Variants in ABCB7 observed in about 807,000 individuals in gnomAD.
ABCB7 encodes ATP binding cassette subfamily B member 7.
A neutral mutation model predicts 54.4 loss-of-function variants in ABCB7; 7 were observed. The ratio of observed to expected loss-of-function variants is 0.13; its 90% CI spans 0.07 to 0.24. ABCB7 has a LOEUF of 0.24. Among genes scored for constraint, ABCB7 ranks in the 10% least tolerant of loss-of-function variants. The pLI is 1.00. For missense variants in ABCB7, 356 were observed against 570.4 expected (o/e 0.62, Z 3.83); for synonymous variants, 218 against 207.1 (o/e 1.05, Z -0.45).
intron 3 of ABCB7, among the ~76,000 whole-genome samples, chrX:75,099,567 A>G (rs1210358943): frequency 9.0e-6 from 1 of 111,465 alleles, no homozygotes; most frequent in Non-Finnish European, 1.9e-5. Flanking sequence ...AACAAAGTTG[A>G]GTTACTGAAA....
chrX:75,156,283 G>T lies in ABCB7; in HGVS notation c.-11C>A. 1 of 1,200,124 alleles carries T rather than the reference G, an allele frequency of 8.3e-7. No individual in the cohort carries two copies. On this transcript the variant is annotated 5_prime_UTR_variant, in exon 1 of 16. Transcript: ENST00000373394. Reference sequence around the variant, plus strand: ...CGCGAGCAGCGCCATCTTGAGCGAGGAAAGAGGAACCGAGAGAAGAGGATT... The same window carrying T: ...CGCGAGCAGCGCCATCTTGAGCGAGTAAAGAGGAACCGAGAGAAGAGGATT...
At chrX:75,120,603 A>AAAAT (rs569345456) in intron 1 of ABCB7, among the ~76,000 whole-genome samples, 14,372 of 108,827 alleles carry the variant, frequency 0.13, 1,745 homozygotes, top group East Asian at 0.9. Flanking sequence ...CTTCATCTCA[A>AAAAT]AAATAAATAA....
intron 1 of ABCB7, among the ~76,000 whole-genome samples, chrX:75,131,630 T>G (rs1008856406): frequency 9.0e-6 from 1 of 111,702 alleles, no homozygotes; most frequent in African/African-American, 3.3e-5. Flanking sequence ...TTTTTGCTGC[T>G]GCTACAGCTC....
At chrX:75,109,006 G>T (rs758431916) in intron 3 of ABCB7, among the ~76,000 whole-genome samples, 1 of 111,748 alleles carries the variant, frequency 8.9e-6, no homozygotes, top group African/African-American at 3.2e-5. Context: ...ATAATGAAAA[G>T]AACATCTATA....
At chrX:75,065,894 T>A (rs2081314188) in intron 12 of ABCB7, among the ~76,000 whole-genome samples, 1 of 111,395 alleles carries the variant, frequency 9.0e-6, no homozygotes, top group Non-Finnish European at 1.9e-5. Context: ...AGGGTGCCAG[T>A]TCCTCATATA....
At chrX:75,059,228 C>G (rs1222614711) in intron 15 of ABCB7, among the ~76,000 whole-genome samples, 1 of 110,630 alleles carries the variant, frequency 9.0e-6, no homozygotes, top group Non-Finnish European at 1.9e-5. Flanking sequence ...GTAATCCCAG[C>G]GCACTTTGGG....
chrX:75,123,934 C>T (rs1041115289), intron 1 of ABCB7, among the ~76,000 whole-genome samples: 20 of 112,148 alleles, frequency 1.8e-4, no homozygotes, highest in Non-Finnish European at 3.0e-4. Flanking sequence ...TCCAATAAAA[C>T]TTTATGTATG....
chrX:75,147,564 C>T (rs1018300969), intron 1 of ABCB7, among the ~76,000 whole-genome samples: 4 of 111,519 alleles, frequency 3.6e-5, no homozygotes, highest in Non-Finnish European at 7.5e-5. Flanking sequence ...CAAATTAACA[C>T]AGGAACAGAA....
At chrX:75,107,603 A>T (rs1035186542) in intron 3 of ABCB7, among the ~76,000 whole-genome samples, 2 of 111,381 alleles carry the variant, frequency 1.8e-5, no homozygotes, top group African/African-American at 6.5e-5. Flanking sequence ...GCCCTAGGCC[A>T]CAAGGGAATC....
chrX:75,087,017 G>A (rs1475263097), intron 4 of ABCB7, among the ~76,000 whole-genome samples: 1 of 111,777 alleles, frequency 8.9e-6, no homozygotes, highest in African/African-American at 3.3e-5. Context: ...CTTAGTTCCA[G>A]GAACTCCTCA....
intron 1 of ABCB7, among the ~76,000 whole-genome samples, chrX:75,136,543 A>C (rs2082010884): frequency 8.9e-6 from 1 of 111,970 alleles, no homozygotes; most frequent in Admixed American, 9.5e-5. Context: ...AACAATCCTA[A>C]GCAAAAGCAA....
chrX:75,063,418 C>T lies in ABCB7; in HGVS notation c.1832-987G>A, dbSNP rs188596197. Among the ~76,000 whole-genome samples, 4 of 111,055 alleles carry T rather than the reference C, an allele frequency of 3.6e-5. No homozygotes were observed. In the East Asian group the frequency reaches 1.1e-3, roughly 31 times the overall value. On this transcript the variant is annotated intron_variant, in intron 13 of 15. Coordinates refer to ENST00000373394, the MANE Select transcript of ABCB7 (RefSeq NM_001271696.3). Reference sequence around the variant, plus strand: ...TTAGGAAATAAGCTCTATCCATTACCTGGTACATTAAATATTTTTATTTTT... The same window carrying T: ...TTAGGAAATAAGCTCTATCCATTACTTGGTACATTAAATATTTTTATTTTT...
chrX:75,064,819 C>T (rs2081305490), intron 13 of ABCB7, among the ~76,000 whole-genome samples: 2 of 108,124 alleles, frequency 1.8e-5, no homozygotes, highest in South Asian at 8.3e-4. Context: ...ATTTTGATAA[C>T]TTACTTAATA....
intron 15 of ABCB7, 113 bp downstream of exon 15, chrX:75,060,110 G>T: frequency 1.6e-6 from 1 of 612,171 alleles, no homozygotes. Context: ...AAACAGAATC[G>T]TAACAGGATT....
In ABCB7 at chrX:75,053,353, A is replaced by G. The variant is rs751986553; in HGVS notation, c.*17T>C. 1 of 1,210,748 alleles carries G rather than the reference A, an allele frequency of 8.3e-7. No individual in the cohort carries two copies. The highest frequency in any genetic ancestry group is 1.8e-5 in the South Asian group (1 of 56,886). ...ATGTAGTCCAAAACAACAAAAAAAG[A>G]AAATGTCTTATGTGACTTAGCACGA... On this transcript the variant is annotated 3_prime_UTR_variant, in exon 16 of 16. Transcript: ENST00000373394.
At chrX:75,152,491 T>C (rs2082138666) in intron 1 of ABCB7, among the ~76,000 whole-genome samples, 1 of 112,004 alleles carries the variant, frequency 8.9e-6, no homozygotes, top group South Asian at 3.7e-4. Context: ...TGGTATTTTG[T>C]TATACCAGCC....
At chrX:75,067,359 G>A (rs2081328733) in intron 12 of ABCB7, among the ~76,000 whole-genome samples, 1 of 112,132 alleles carries the variant, frequency 8.9e-6, no homozygotes, top group Non-Finnish European at 1.9e-5. Flanking sequence ...GAGGATAATT[G>A]TTACAATGCC....
chrX:75,134,887 G>A (rs1295490640), intron 1 of ABCB7, among the ~76,000 whole-genome samples: 5 of 111,092 alleles, frequency 4.5e-5, no homozygotes, highest in Non-Finnish European at 9.4e-5. Flanking sequence ...AATATCTCAA[G>A]TTAACAACCT....
At chrX:75,083,089 T>C (rs942479199) in intron 4 of ABCB7, among the ~76,000 whole-genome samples, 4 of 111,875 alleles carry the variant, frequency 3.6e-5, no homozygotes, top group Non-Finnish European at 7.5e-5. Context: ...AAGAAAATTA[T>C]TGACATTGCC....
Sources: gnomAD v4.1 joint callset for allele counts (sites outside exome capture counted in the v4.1 genomes callset) on GRCh38, gnomAD v4.1.1 for gene constraint, MANE v1.5 for transcripts, NCBI Gene and HGNC (gene_info 2026-07-23, HGNC 2026-07-21) for gene names.